Variants in WDR36 observed in about 807,000 individuals in gnomAD.
The protein encoded by WDR36 is WD repeat domain 36.
Under a neutral mutation model 112.7 loss-of-function variants are expected in WDR36, and 63 were observed. That is an observed-to-expected ratio of 0.56 (90% CI 0.46 to 0.69). The LOEUF (loss-of-function observed/expected upper bound fraction) is 0.69. WDR36 is among the 30% of genes least tolerant of loss of function. The pLI is 0.00. For synonymous variants in WDR36, 410 were observed against 362.2 expected (o/e 1.13, Z -1.50); for missense variants, 1,226 against 1,070.3 (o/e 1.15, Z -2.03).
intron 4 of WDR36, among the ~76,000 whole-genome samples, chr5:111,100,287 C>G (rs1580391945): frequency 6.7e-6 from 1 of 148,474 alleles, no homozygotes; most frequent in Non-Finnish European, 1.5e-5. Flanking sequence ...TCCTTAGGAT[C>G]TTTTTTTTTT....
intron 15 of WDR36, 68 bp from the exon 16 acceptor site, chr5:111,113,006 A>G: frequency 2.8e-6 from 1 of 354,408 alleles, no homozygotes; most frequent in Non-Finnish European, 4.3e-6. Context: ...CATACATACA[A>G]ATATATTCAT....
Position 111,103,794 on chromosome 5 carries a change from C to A in WDR36, c.606C>A (p.Ala202=). 1.2e-6 allele frequency: 2 copies of A among 1,610,718 alleles called. No individual in the cohort carries two copies. Among genetic ancestry groups the A allele is most frequent in the Non-Finnish European group, 1.7e-6 (2 of 1,177,860 alleles). The change falls in exon 7 of 23, where the codon GCC becomes GCA. Residue 202 remains alanine (A), a synonymous_variant. Transcript: ENST00000513710. Reference sequence around the variant, plus strand: ...AATAATTTAATTTTTAGGCACCAGCCGTGGATGTTGTTGCTATTGGTCTTA... The same window carrying A: ...AATAATTTAATTTTTAGGCACCAGCAGTGGATGTTGTTGCTATTGGTCTTA... ...VGVTALQQAP[A]VDVVAIGLMS...
chr5:111,094,257 A>C (rs1370964), intron 1 of WDR36, among the ~76,000 whole-genome samples: 2 of 152,146 alleles, frequency 1.3e-5, no homozygotes, highest in Non-Finnish European at 2.9e-5. Context: ...TCTGTTTTAC[A>C]CAAATTTACT....
intron 19 of WDR36, 46 bp downstream of exon 19, chr5:111,121,187 C>T (rs754850302): frequency 5.6e-6 from 9 of 1,607,236 alleles, no homozygotes; most frequent in Non-Finnish European, 7.7e-6. Context: ...CATCCAGAAG[C>T]ATTTTTATTT....
At chr5:111,126,658 T>G in intron 22 of WDR36, 76 bp from the exon 23 acceptor site, 1 of 1,503,042 alleles carries the variant, frequency 6.7e-7, no homozygotes, top group African/African-American at 1.4e-5. Context: ...TGTGGTTCCT[T>G]GGTAGAAAAA....
chr5:111,119,072 G>A lies in WDR36; in HGVS notation c.1856G>A (p.Gly619Glu). The A allele has an allele frequency of 1.2e-6, 2 of 1,613,586 alleles. No individual in the cohort carries two copies. Among genetic ancestry groups the A allele is most frequent in the Non-Finnish European group, 1.7e-6 (2 of 1,179,614 alleles). ...CTCAATGTTTCTATGTCTCCTACTG[G>A]AGACTTTCTGGCAACTTCCCATGTG... Reference protein sequence around the residue: ...APLNVSMSPTGDFLATSHVDH... With the variant: ...APLNVSMSPTEDFLATSHVDH... Residue 619 changes from glycine (G) to glutamate (E), a missense_variant, in exon 17 of 23, where the codon GGA becomes GAA. Gly to Glu is a moderately conservative substitution (Grantham distance 98). Coordinates refer to ENST00000513710, the MANE Select transcript of WDR36 (RefSeq NM_139281.3).
At position 111,130,185 on chromosome 5, in the gene WDR36, G is replaced by T. The variant is rs549593467; in HGVS notation, c.*3302G>T. 9 of 206,886 alleles carry T rather than the reference G, an allele frequency of 4.4e-5. No homozygotes were observed. The highest frequency in any genetic ancestry group is 2.1e-4 in the African/African-American group (9 of 43,876). 12.8% of individuals were successfully genotyped at this position (206,886 alleles called of 1,614,324 possible). ...CAATACCGAGTGCAGTCCTCCCTTG[G>T]TATCTAGTTCCAGGACCCCTGTGGA... On this transcript the variant is annotated 3_prime_UTR_variant, in exon 23 of 23. Transcript: ENST00000513710.
intron 14 of WDR36, 38 bp from the exon 15 acceptor site, chr5:111,111,132 T>C (rs1561706315): frequency 4.4e-6 from 7 of 1,599,276 alleles, no homozygotes; most frequent in Admixed American, 3.3e-5. Flanking sequence ...AGTTCAAGGG[T>C]TTTTTGTTTA....
In WDR36 at chr5:111,107,338, C is replaced by T; in HGVS notation, c.1225C>T (p.Gln409Ter). The T allele has an allele frequency of 6.2e-7, 1 of 1,610,490 alleles. No homozygotes were observed. The highest frequency in any genetic ancestry group is 8.5e-7 in the Non-Finnish European group (1 of 1,177,690). Residue 409 changes from glutamine (Q) to a stop codon, truncating the protein, a stop_gained, in exon 12 of 23, where the codon CAA (glutamine) becomes TAA (stop). Transcript: ENST00000513710. LOFTEE classifies it high-confidence loss of function. Reference sequence around the variant, plus strand: ...CTGGGATGGTATCATTGCTTGCCATCAAGGTAAGCTATCTTGCTCAACCTG... The same window carrying T: ...CTGGGATGGTATCATTGCTTGCCATTAAGGTAAGCTATCTTGCTCAACCTG... ...SDWDGIIACH[Q>*]GKLSCSTWNY...
rs1355073250 is a variant in WDR36 at position 111,104,770 on chromosome 5, C to G, written c.980C>G (p.Thr327Ser). Reference protein sequence around the residue: ...RFRMGHSAPLTNIRYYGQNGQ... With the variant: ...RFRMGHSAPLSNIRYYGQNGQ... ...AGAATGGGTCATAGTGCTCCTCTTA[C>G]CAATATCAGATATTATGGACAGAAT... Residue 327 changes from threonine (T) to serine (S), a missense_variant, in exon 9 of 23, where the codon ACC (threonine) becomes AGC (serine). Transcript: ENST00000513710. 1 of 1,611,210 alleles carries G rather than the reference C, an allele frequency of 6.2e-7. No individual in the cohort carries two copies. Among genetic ancestry groups the G allele is most frequent in the African/African-American group, 1.3e-5 (1 of 74,726 alleles).
intron 5 of WDR36, among the ~76,000 whole-genome samples, chr5:111,101,819 C>G (rs1753126097): frequency 6.6e-6 from 1 of 151,658 alleles, no homozygotes; most frequent in African/African-American, 2.4e-5. Context: ...ACTGTCTTTG[C>G]CCATTTACAG....
At chr5:111,114,633 T>C (rs1421205089) in intron 16 of WDR36, among the ~76,000 whole-genome samples, 1 of 152,182 alleles carries the variant, frequency 6.6e-6, no homozygotes, top group Non-Finnish European at 1.5e-5. Context: ...ATCGAATTTA[T>C]TGACTGTATC....
At chr5:111,093,124 T>A (rs1752902733) in intron 1 of WDR36, among the ~76,000 whole-genome samples, 2 of 152,252 alleles carry the variant, frequency 1.3e-5, no homozygotes, top group African/African-American at 4.8e-5. Flanking sequence ...TGTCTGGCAC[T>A]GTCACTCTAA....
rs1181192863 is a variant in WDR36 at position 111,127,091 on chromosome 5, C to T, written c.*208C>T. The T allele has an allele frequency of 6.3e-6, 3 of 474,864 alleles. No homozygotes were observed. Among genetic ancestry groups the T allele is most frequent in the African/African-American group, 2.0e-5 (1 of 49,666 alleles). 29.4% of individuals were successfully genotyped at this position (474,864 alleles called of 1,614,324 possible). ...ATGGATAATGCCTGTAATTCCAGCA[C>T]TTTCAGAGGCCAAAGCGGGAGGATT... On this transcript the variant is annotated 3_prime_UTR_variant, in exon 23 of 23. Transcript: ENST00000513710.
rs1053097439 is a variant in WDR36, at chr5:111,128,903, C to T, written c.*2020C>T. ...GAAAACCATCTTCAGTCCCAATATC[C>T]TCTGTAGAAGTAATAGTTTTAACTC... On this transcript the variant is annotated 3_prime_UTR_variant, in exon 23 of 23. Transcript: ENST00000513710. 1.1e-4 allele frequency: 22 copies of T among 192,304 alleles called. No individual in the cohort carries two copies. Among genetic ancestry groups the T allele is most frequent in the African/African-American group, 4.6e-4 (20 of 43,048 alleles). The allele number at this position is 192,304 out of a possible 1,614,324, so 11.9% of individuals were successfully genotyped here.
chr5:111,093,499 G>C (rs77267257), intron 1 of WDR36, among the ~76,000 whole-genome samples: 436 of 152,300 alleles, frequency 2.9e-3, no homozygotes, highest in Non-Finnish European at 4.8e-3. Context: ...GGAAAGTGAG[G>C]GCAGAGCTGA....
rs17624563 is a variant in WDR36 at position 111,120,565 on chromosome 5, C to G, written c.1974C>G (p.Val658=). ...CTGCAGATTATGTCCCTTCAATAGT[C>G]ATGCTTCCTGGTACTTGTCAAACCC... ...PLPADYVPSI[V]MLPGTCQTQD... is the part of the protein sequence containing the mutation. Residue 658 remains valine (V), a synonymous_variant, in exon 18 of 23, where the codon GTC becomes GTG. Transcript: ENST00000513710. 0.1 allele frequency: 162,204 copies of G among 1,611,152 alleles called. 9,763 individuals carry two copies. Among genetic ancestry groups the G allele is most frequent in the South Asian group, 0.23 (21,281 of 90,972 alleles).
At position 111,107,413 on chromosome 5, in the gene WDR36, T is replaced by A. The variant is rs142407572; in HGVS notation, c.1300T>A (p.Leu434Met). ...CGCTTACTTTCTCAAGCCAAAAGAG[T>A]TGAAGAAAGATGACATAACTGCAAC... is the stretch of plus-strand genomic sequence containing the variant. ...IGAYFLKPKELKKDDITATAV... is the reference protein window; with the variant it reads ...IGAYFLKPKEMKKDDITATAV... The change falls in exon 12 of 23, where the codon TTG becomes ATG. Residue 434 changes from leucine to methionine, a missense_variant. Transcript: ENST00000513710. The A allele has an allele frequency of 4.3e-6, 7 of 1,610,040 alleles. No homozygotes were observed. The Admixed American group carries it at 1.0e-4, about 23-fold the overall frequency.
In WDR36 at chr5:111,113,091, T is replaced by C. The variant is rs778140626; in HGVS notation, c.1734T>C (p.Gly578=). Reference sequence around the variant, plus strand: ...ATTTAAAGGCTTTTAGTCCTGATGGTCGTTGGTTAATAAGTGCTGCGATGG... The same window carrying C: ...ATTTAAAGGCTTTTAGTCCTGATGGCCGTTGGTTAATAAGTGCTGCGATGG... ...QINDMAFSPD[G]RWLISAAMDC... is the part of the protein sequence containing the mutation. The change falls in exon 16 of 23, where the codon GGT becomes GGC. Residue 578 remains glycine, a synonymous_variant. Coordinates refer to ENST00000513710, the MANE Select transcript of WDR36 (RefSeq NM_139281.3). The C allele has an allele frequency of 2.0e-6, 3 of 1,491,470 alleles. No homozygotes were observed. In the Admixed American group the frequency reaches 5.5e-5, roughly 28 times the overall value. The allele number at this position is 1,491,470 out of a possible 1,614,324, so 92.4% of individuals were successfully genotyped here.
Sources: gnomAD v4.1 joint callset for allele counts (sites outside exome capture counted in the v4.1 genomes callset) on GRCh38, gnomAD v4.1.1 for gene constraint, MANE v1.5 for transcripts, NCBI Gene and HGNC (gene_info 2026-07-23, HGNC 2026-07-21) for gene names.